PCCA: variants seen among roughly 807,000 people sequenced by gnomAD.
The protein encoded by PCCA is propionyl-CoA carboxylase subunit alpha, also known as propionyl-CoA carboxylase alpha chain, mitochondrial.
A neutral mutation model predicts 101.3 loss-of-function variants in PCCA; 74 were observed. The ratio of observed to expected loss-of-function variants is 0.73; its 90% CI spans 0.61 to 0.89. The LOEUF (loss-of-function observed/expected upper bound fraction) is 0.89, where lower values mean the gene tolerates loss of function less well. Among genes scored for constraint, PCCA ranks in the 40% least tolerant of loss-of-function variants. The pLI is 0.00. For synonymous variants in PCCA, 294 were observed against 313.6 expected (o/e 0.94, Z 0.66); for missense variants, 891 against 907.0 (o/e 0.98, Z 0.23).
chr13:100,089,358 C>T, intron 1 of PCCA, 133 bp downstream of exon 1: 1 of 1,193,356 alleles, frequency 8.4e-7, no homozygotes, highest in South Asian at 2.3e-5. Flanking sequence ...TCAGCTACAC[C>T]GCTTGCTTTC....
chr13:100,399,773 AAT>A (rs1027592496), intron 19 of PCCA, among the ~76,000 whole-genome samples: 20 of 152,340 alleles, frequency 1.3e-4, no homozygotes, highest in African/African-American at 4.8e-4. Context: ...TTCTTCAATG[AAT>A]AGAAATTGTA....
intron 19 of PCCA, among the ~76,000 whole-genome samples, chr13:100,371,635 A>G (rs1310182800): frequency 6.6e-6 from 1 of 152,210 alleles, no homozygotes; most frequent in Non-Finnish European, 1.5e-5. Flanking sequence ...TACAGATACA[A>G]CGCCATCCCT....
At chr13:100,381,248 G>T (rs961146896) in intron 19 of PCCA, among the ~76,000 whole-genome samples, 2 of 152,108 alleles carry the variant, frequency 1.3e-5, no homozygotes, top group Non-Finnish European at 2.9e-5. Flanking sequence ...ATTAGCTGGG[G>T]CATGGTGATG....
chr13:100,248,681 T>G (rs2152543012), intron 8 of PCCA, among the ~76,000 whole-genome samples: 1 of 152,334 alleles, frequency 6.6e-6, no homozygotes, highest in East Asian at 1.9e-4. Flanking sequence ...CTCTGTGTAT[T>G]TTGGATACAA....
At position 100,458,452 on chromosome 13, in the gene PCCA, C is replaced by T. The variant is rs56311240; in HGVS notation, c.1899+9147C>T. ...ACACACACACACATACACACACACA[C>T]ACACACACACACACACACACACACA... On this transcript the variant is annotated intron_variant, in intron 21 of 23. Transcript: ENST00000376285. Among the ~76,000 whole-genome samples, 25 of 47,656 alleles carry T rather than the reference C, an allele frequency of 5.2e-4. No individual in the cohort carries two copies. In the East Asian group the frequency reaches 7.7e-3, roughly 15 times the overall value. 31.3% of individuals were successfully genotyped at this position (47,656 alleles called of 152,430 possible).
intron 4 of PCCA, among the ~76,000 whole-genome samples, chr13:100,119,016 C>A (rs1162317044): frequency 6.6e-6 from 1 of 151,402 alleles, no homozygotes; most frequent in Admixed American, 6.6e-5. Context: ...TTTTTGAATC[C>A]TTGTGAATAT....
chr13:100,254,406 A>G (rs1015720095), intron 8 of PCCA, among the ~76,000 whole-genome samples: 3 of 152,338 alleles, frequency 2.0e-5, no homozygotes, highest in African/African-American at 7.2e-5. Flanking sequence ...GCTCCAGTGG[A>G]TGAGAAAATG....
chr13:100,254,241 C>G (rs1056304202), intron 8 of PCCA, among the ~76,000 whole-genome samples: 1 of 152,134 alleles, frequency 6.6e-6, no homozygotes, highest in Admixed American at 6.5e-5. Flanking sequence ...CCCGCCAGGT[C>G]CCTCCCACAG....
chr13:100,234,364 A>G (rs1010740501), intron 7 of PCCA, among the ~76,000 whole-genome samples: 1 of 152,226 alleles, frequency 6.6e-6, no homozygotes. Flanking sequence ...CGTGTAATAA[A>G]GCAGTAAACC....
At chr13:100,311,364 AT>A (rs1490945346) in intron 16 of PCCA, among the ~76,000 whole-genome samples, 2 of 152,164 alleles carry the variant, frequency 1.3e-5, no homozygotes, top group Non-Finnish European at 1.5e-5. Context: ...ACTGGTGAGG[AT>A]TAACTGAGGT....
chr13:100,222,087 AC>A (rs2059853035), intron 7 of PCCA, among the ~76,000 whole-genome samples: 1 of 150,396 alleles, frequency 6.6e-6, no homozygotes, highest in African/African-American at 2.5e-5. Flanking sequence ...TGTTGCCCAG[AC>A]TGGAGTACAG....
chr13:100,399,528 T>C lies in PCCA; in HGVS notation c.1747-26105T>C, dbSNP rs115667464. Among the ~76,000 whole-genome samples, 896 of 152,342 alleles carry C rather than the reference T, an allele frequency of 5.9e-3. 8 individuals carry two copies. The highest frequency in any genetic ancestry group is 0.021 in the African/African-American group (858 of 41,580). On this transcript the variant is annotated intron_variant, in intron 19 of 23. Transcript: ENST00000376285. ...CAGAGTTGAGTATTGCTGGACCTTC[T>C]AACCATCACTCATTTCTTTCTGCCC...
chr13:100,368,613 T>A (rs373712723), intron 19 of PCCA, 39 bp downstream of exon 19: 325 of 1,251,272 alleles, frequency 2.6e-4, no homozygotes, highest in Non-Finnish European at 3.4e-4. Flanking sequence ...AATCTTGATG[T>A]TATCTATGAA....
At chr13:100,099,375 T>A (rs1193203867) in intron 1 of PCCA, among the ~76,000 whole-genome samples, 2 of 148,808 alleles carry the variant, frequency 1.3e-5, no homozygotes, top group Non-Finnish European at 3.0e-5. Flanking sequence ...TGGAGTGCAG[T>A]GGCGTGATCT....
At chr13:100,149,050 G>A (rs2052953008) in intron 4 of PCCA, among the ~76,000 whole-genome samples, 1 of 151,618 alleles carries the variant, frequency 6.6e-6, no homozygotes, top group South Asian at 2.1e-4. Context: ...GAAAGGACAT[G>A]CCAGAATGTT....
At chr13:100,388,946 T>C (rs1490345491) in intron 19 of PCCA, among the ~76,000 whole-genome samples, 1 of 152,262 alleles carries the variant, frequency 6.6e-6, no homozygotes, top group Non-Finnish European at 1.5e-5. Context: ...TTGACATATT[T>C]ATAGCACCAT....
At chr13:100,337,903 CACA>C (rs1276168965) in intron 17 of PCCA, among the ~76,000 whole-genome samples, 2 of 152,194 alleles carry the variant, frequency 1.3e-5, no homozygotes, top group East Asian at 3.8e-4. Context: ...TATAAACACA[CACA>C]ACATTTTCAT....
intron 16 of PCCA, among the ~76,000 whole-genome samples, chr13:100,329,664 A>T (rs1298561995): frequency 2.6e-5 from 4 of 152,162 alleles, no homozygotes; most frequent in African/African-American, 9.7e-5. Context: ...AAGACAATGA[A>T]CCATTTCTTG....
At chr13:100,374,565 T>C (rs2075782136) in intron 19 of PCCA, among the ~76,000 whole-genome samples, 1 of 152,180 alleles carries the variant, frequency 6.6e-6, no homozygotes, top group African/African-American at 2.4e-5. Context: ...ACACAGTTAA[T>C]ATCTTAAAGA....
Sources: allele counts gnomAD v4.1 joint callset (sites outside exome capture counted in the v4.1 genomes callset), GRCh38; gene constraint gnomAD v4.1.1; transcripts MANE v1.5; gene names NCBI Gene and HGNC (gene_info 2026-07-23, HGNC 2026-07-21).